The following PPP1CB variants were observed in gnomAD, a reference collection of about 807,000 sequenced individuals.
PPP1CB encodes the protein protein phosphatase 1 catalytic subunit beta.
In PPP1CB, 2 loss-of-function variants were observed where a neutral mutation model predicts 43.7. The observed-to-expected ratio is 0.05, with a 90% confidence interval of 0.02 to 0.14. The LOEUF (loss-of-function observed/expected upper bound fraction) is 0.14, where lower values mean the gene tolerates loss of function less well. Among genes scored for constraint, PPP1CB ranks in the 10% least tolerant of loss-of-function variants. The probability of loss-of-function intolerance (pLI) is 1.00; values close to 1 mark genes in which losing one functional copy is unlikely to be tolerated. For missense variants in PPP1CB, 84 were observed against 398.0 expected (o/e 0.21, Z 6.71); for synonymous variants, 136 against 135.6 (o/e 1.00, Z -0.02).
At chr2:28,761,849 A>G (rs975617522) in intron 1 of PPP1CB, among the ~76,000 whole-genome samples, 6 of 152,224 alleles carry the variant, frequency 3.9e-5, no homozygotes, top group African/African-American at 1.2e-4. Flanking sequence ...CAGGAACTAT[A>G]GGGCAGTGTA....
rs1221504056 is a variant in PPP1CB, at chr2:28,792,673, TC to T, written c.745-1188del. ...TAAGGTAATTTCAGCAGAAGCATGT[TC>T]CTAGTACTGAGGTAGGAGTTATTTT... On this transcript the variant is annotated intron_variant, in intron 6 of 7. Transcript: ENST00000395366. Among the ~76,000 whole-genome samples, 4 of 152,258 alleles carry T rather than the reference TC, an allele frequency of 2.6e-5. No individual in the cohort carries two copies. In the South Asian group the frequency reaches 6.2e-4, roughly 24 times the overall value.
chr2:28,777,975 T>C (rs1667076724), intron 2 of PPP1CB, among the ~76,000 whole-genome samples: 2 of 152,202 alleles, frequency 1.3e-5, no homozygotes, highest in Non-Finnish European at 2.9e-5. Context: ...GTTGAATGGA[T>C]CAGTTAACTT....
At chr2:28,754,470 C>G (rs560470936) in intron 1 of PPP1CB, among the ~76,000 whole-genome samples, 89 of 152,290 alleles carry the variant, frequency 5.8e-4, no homozygotes, top group African/African-American at 2.1e-3. Context: ...TCTCTTCACT[C>G]AAGGAGCTCC....
At chr2:28,754,492 A>G (rs1486271178) in intron 1 of PPP1CB, among the ~76,000 whole-genome samples, 1 of 152,166 alleles carries the variant, frequency 6.6e-6, no homozygotes, top group Non-Finnish European at 1.5e-5. Flanking sequence ...AGTCTAAACA[A>G]GTGTCTTTCA....
chr2:28,798,616 G>C (rs1001682318), intron 7 of PPP1CB, among the ~76,000 whole-genome samples: 1 of 143,504 alleles, frequency 7.0e-6, no homozygotes, highest in Non-Finnish European at 1.5e-5. Context: ...CCAGTTATAT[G>C]AAATGTTCAG....
chr2:28,765,422 A>G (rs1024275783), intron 1 of PPP1CB, among the ~76,000 whole-genome samples: 1 of 152,252 alleles, frequency 6.6e-6, no homozygotes, highest in African/African-American at 2.4e-5. Flanking sequence ...ATTACATTGC[A>G]GATTAATCAC....
intron 7 of PPP1CB, among the ~76,000 whole-genome samples, chr2:28,797,633 G>T (rs940978693): frequency 6.6e-6 from 1 of 152,100 alleles, no homozygotes; most frequent in African/African-American, 2.4e-5. Flanking sequence ...GTGTGCACAG[G>T]TGTTTATAAT....
intron 1 of PPP1CB, among the ~76,000 whole-genome samples, chr2:28,769,741 C>G (rs6706858): frequency 0.57 from 86,100 of 151,798 alleles, 24,911 homozygotes; most frequent in Middle Eastern, 0.64. Flanking sequence ...AGGCTGGAGG[C>G]GGGTGGTAAT....
rs1038941712 is a variant in PPP1CB, at chr2:28,802,049, A to T, written c.*2746A>T. The T allele has an allele frequency of 6.6e-6, 1 of 151,992 alleles. No homozygotes were observed. Among genetic ancestry groups the T allele is most frequent in the Non-Finnish European group, 1.5e-5 (1 of 67,992 alleles). The allele number at this position is 151,992 out of a possible 1,614,324, so 9.4% of individuals were successfully genotyped here. A position where few individuals can be genotyped will look rare whatever the true frequency, so the allele number is the denominator to read the frequency against. On this transcript the variant is annotated 3_prime_UTR_variant, in exon 8 of 8. Transcript: ENST00000395366. ...AAAGTACCTAAACATTCGTGAAATG[A>T]TTTTTTTTAGCTGAAAAATGCTGGC... is the stretch of plus-strand genomic sequence containing the variant.
intron 5 of PPP1CB, among the ~76,000 whole-genome samples, chr2:28,785,493 G>A (rs887092984): frequency 6.6e-6 from 1 of 151,912 alleles, no homozygotes; most frequent in East Asian, 1.9e-4. Flanking sequence ...TAACAAACTG[G>A]TATTTAAATA....
At chr2:28,776,714 T>G (rs1667052086) in intron 1 of PPP1CB, 137 bp from the exon 2 acceptor site, 1 of 656,358 alleles carries the variant, frequency 1.5e-6, no homozygotes, top group South Asian at 2.4e-5. Context: ...ATAACATTAT[T>G]TTAAACCATG....
intron 1 of PPP1CB, among the ~76,000 whole-genome samples, chr2:28,769,748 T>C (rs1368257510): frequency 6.6e-6 from 1 of 151,972 alleles, no homozygotes; most frequent in Non-Finnish European, 1.5e-5. Flanking sequence ...AGGCGGGTGG[T>C]AATCAGTCAA....
chr2:28,785,215 C>T (rs935520114), intron 5 of PPP1CB, among the ~76,000 whole-genome samples: 12 of 151,154 alleles, frequency 7.9e-5, no homozygotes, highest in Non-Finnish European at 1.8e-4. Flanking sequence ...GCTGGGACTA[C>T]AGGCGCCCGC....
At chr2:28,783,257 A>T (rs1353256286) in intron 4 of PPP1CB, among the ~76,000 whole-genome samples, 2 of 152,204 alleles carry the variant, frequency 1.3e-5, no homozygotes, top group Non-Finnish European at 2.9e-5. Flanking sequence ...AGAACTGGCA[A>T]AAGTGGTAGG....
At chr2:28,761,631 A>T (rs1030426548) in intron 1 of PPP1CB, among the ~76,000 whole-genome samples, 1 of 152,244 alleles carries the variant, frequency 6.6e-6, no homozygotes, top group Non-Finnish European at 1.5e-5. Flanking sequence ...TAAGTATGTG[A>T]CAGATACTGT....
chr2:28,761,109 C>G (rs910239580), intron 1 of PPP1CB, among the ~76,000 whole-genome samples: 3 of 152,068 alleles, frequency 2.0e-5, no homozygotes, highest in Non-Finnish European at 2.9e-5. Flanking sequence ...TTCACTAAAT[C>G]TCGAACACCT....
At chr2:28,790,523 A>G (rs1667364496) in intron 6 of PPP1CB, among the ~76,000 whole-genome samples, 1 of 151,980 alleles carries the variant, frequency 6.6e-6, no homozygotes, top group South Asian at 2.1e-4. Flanking sequence ...TATTTTTAGT[A>G]GAGACGGGGT....
At chr2:28,759,520 CAAAAAAAAAAAAAAA>C (rs559532367) in intron 1 of PPP1CB, among the ~76,000 whole-genome samples, 25 of 100,820 alleles carry the variant, frequency 2.5e-4, no homozygotes, top group Admixed American at 2.3e-3. Context: ...ACTGCATCTC[CAAAAAAAAAAAAAAA>C]AAAAAAAAAA....
intron 6 of PPP1CB, 89 bp downstream of exon 6, chr2:28,788,898 C>G: frequency 7.6e-7 from 1 of 1,319,814 alleles, no homozygotes; most frequent in Non-Finnish European, 1.0e-6. Flanking sequence ...TGTTCTGTCA[C>G]CCAGGCTGGA....
Sources: allele counts gnomAD v4.1 joint callset (sites outside exome capture counted in the v4.1 genomes callset), GRCh38; gene constraint gnomAD v4.1.1; transcripts MANE v1.5; gene names NCBI Gene and HGNC (gene_info 2026-07-23, HGNC 2026-07-21).